The following TOX variants were observed in gnomAD, a reference collection of about 807,000 sequenced individuals.
TOX encodes the protein thymocyte selection-associated high mobility group box protein TOX.
A neutral mutation model predicts 53.7 loss-of-function variants in TOX; 11 were observed. The observed-to-expected ratio is 0.20, with a 90% CI of 0.13 to 0.34. TOX has a LOEUF of 0.34. TOX is among the 10% of genes least tolerant of loss of function. TOX has a pLI of 1.00. For synonymous variants in TOX, 225 were observed against 245.3 expected (o/e 0.92, Z 0.77); for missense variants, 570 against 664.6 (o/e 0.86, Z 1.56).
intron 3 of TOX, among the ~76,000 whole-genome samples, chr8:58,902,859 T>A (rs1170685754): frequency 6.6e-6 from 1 of 152,212 alleles, no homozygotes; most frequent in Non-Finnish European, 1.5e-5. Context: ...TGAACTCCTA[T>A]GAATTCTACT....
chr8:58,849,166 G>T (rs754066263), intron 4 of TOX, among the ~76,000 whole-genome samples: 7 of 152,210 alleles, frequency 4.6e-5, no homozygotes, highest in Non-Finnish European at 1.0e-4. Context: ...TGAGTAGGAG[G>T]ATTTGAATTG....
At chr8:58,961,187 T>C (rs1388308283) in intron 1 of TOX, among the ~76,000 whole-genome samples, 1 of 152,150 alleles carries the variant, frequency 6.6e-6, no homozygotes, top group Non-Finnish European at 1.5e-5. Context: ...TGAGGGTCGC[T>C]CACAGCCTCT....
intron 1 of TOX, among the ~76,000 whole-genome samples, chr8:59,075,348 C>A (rs903283894): frequency 6.6e-6 from 1 of 152,156 alleles, no homozygotes; most frequent in Non-Finnish European, 1.5e-5. Context: ...TCCCCCAAAG[C>A]AGGTCATGAG....
chr8:58,931,714 CT>C (rs1812257377), intron 3 of TOX, among the ~76,000 whole-genome samples: 1 of 152,148 alleles, frequency 6.6e-6, no homozygotes, highest in South Asian at 2.1e-4. Context: ...CCTGCCTAGA[CT>C]TAAGAGACTG....
chr8:59,093,544 G>A (rs1363225804), intron 1 of TOX, among the ~76,000 whole-genome samples: 1 of 152,124 alleles, frequency 6.6e-6, no homozygotes, highest in African/African-American at 2.4e-5. Flanking sequence ...CCTTAAGCCT[G>A]GTAAAATAAT....
At chr8:59,060,651 A>C (rs1000559877) in intron 1 of TOX, among the ~76,000 whole-genome samples, 1 of 152,084 alleles carries the variant, frequency 6.6e-6, no homozygotes, top group Non-Finnish European at 1.5e-5. Flanking sequence ...CAAACAAACA[A>C]ACATTTTATA....
chr8:58,992,760 T>C (rs1585948095), intron 1 of TOX: 2 of 152,364 alleles, frequency 1.3e-5, no homozygotes, highest in African/African-American at 4.8e-5. Context: ...AGAACTCTTG[T>C]CACTTAAACA....
chr8:58,963,687 C>T (rs967096283), intron 1 of TOX, among the ~76,000 whole-genome samples: 1 of 152,110 alleles, frequency 6.6e-6, no homozygotes, highest in African/African-American at 2.4e-5. Flanking sequence ...GTTTTGTAGA[C>T]TCCTCACCTC....
At chr8:59,010,694 C>A (rs971724542) in intron 1 of TOX, among the ~76,000 whole-genome samples, 1 of 152,172 alleles carries the variant, frequency 6.6e-6, no homozygotes, top group Non-Finnish European at 1.5e-5. Flanking sequence ...TCATGAGGAT[C>A]ACTAGGATAA....
chr8:59,079,897 G>T (rs1322501035), intron 1 of TOX, among the ~76,000 whole-genome samples: 1 of 152,200 alleles, frequency 6.6e-6, no homozygotes, highest in Non-Finnish European at 1.5e-5. Context: ...AAAGCCACAG[G>T]AGTGGAGCTG....
At chr8:59,032,651 C>A (rs1429011263) in intron 1 of TOX, among the ~76,000 whole-genome samples, 19 of 152,136 alleles carry the variant, frequency 1.2e-4, no homozygotes, top group Admixed American at 1.2e-3. Flanking sequence ...TCAATTACAC[C>A]ATTTCACTTA....
chr8:58,988,530 A>G (rs536501139), intron 1 of TOX, among the ~76,000 whole-genome samples: 12 of 152,348 alleles, frequency 7.9e-5, no homozygotes, highest in African/African-American at 2.9e-4. Context: ...AGGACAGATT[A>G]AAAAGTGTTA....
chr8:58,839,083 C>G (rs763120798), intron 4 of TOX, among the ~76,000 whole-genome samples: 16 of 152,278 alleles, frequency 1.1e-4, no homozygotes, highest in Admixed American at 2.0e-4. Flanking sequence ...GACTTTGTCC[C>G]TAGATCTACG....
chr8:58,866,168 G>A (rs909322712), intron 3 of TOX, among the ~76,000 whole-genome samples: 3 of 152,092 alleles, frequency 2.0e-5, no homozygotes, highest in African/African-American at 4.8e-5. Flanking sequence ...AACAAAGTAC[G>A]ACTGTGGCCT....
chr8:58,944,955 C>T (rs1563397055), intron 2 of TOX, among the ~76,000 whole-genome samples: 2 of 152,126 alleles, frequency 1.3e-5, no homozygotes, highest in East Asian at 3.9e-4. Flanking sequence ...TTTATTTGCT[C>T]CCCATAAATA....
Position 59,092,318 on chromosome 8 carries a change from CAT to C in TOX, c.102+26566_102+26567del, listed in dbSNP as rs1350869596. Among the ~76,000 whole-genome samples the C allele has an allele frequency of 1.3e-3, 136 of 101,806 alleles. 6 individuals are homozygous for C. The highest frequency in any genetic ancestry group is 3.1e-3 in the East Asian group (12 of 3,836). 66.8% of individuals were successfully genotyped at this position (101,806 alleles called of 152,430 possible). On this transcript the variant is annotated intron_variant, in intron 1 of 8. Transcript: ENST00000361421. Reference sequence around the variant, plus strand: ...TTATATATATTATATATTATATATACATATATATATTATATATTATATATACA... The same window carrying C: ...TTATATATATTATATATTATATATACATATATATTATATATTATATATACA...
intron 3 of TOX, among the ~76,000 whole-genome samples, chr8:58,909,661 T>TC (rs56096045): frequency 0.03 from 3,733 of 122,730 alleles, 80 homozygotes; most frequent in Admixed American, 0.063. Flanking sequence ...TCTCTCTCTC[T>TC]TTTTTTTTTT....
At chr8:58,829,633 T>A (rs1334644589) in intron 5 of TOX, among the ~76,000 whole-genome samples, 1 of 152,120 alleles carries the variant, frequency 6.6e-6, no homozygotes, top group Non-Finnish European at 1.5e-5. Flanking sequence ...AATTAGCACC[T>A]CAATCTTTGA....
chr8:59,033,596 G>A (rs531083029), intron 1 of TOX, among the ~76,000 whole-genome samples: 48 of 152,290 alleles, frequency 3.2e-4, no homozygotes, highest in Admixed American at 9.2e-4. Context: ...TTACAAGAAA[G>A]GAGGGATCAG....
Sources: allele counts gnomAD v4.1 joint callset (sites outside exome capture counted in the v4.1 genomes callset), GRCh38; gene constraint gnomAD v4.1.1; transcripts MANE v1.5; gene names NCBI Gene and HGNC (gene_info 2026-07-23, HGNC 2026-07-21).